The following SETD2 variants were observed in gnomAD, a reference collection of about 807,000 sequenced individuals.
The protein encoded by SETD2 is SET domain containing 2, histone lysine methyltransferase.
A neutral mutation model predicts 242.1 loss-of-function variants in SETD2; 31 were observed. The observed-to-expected ratio is 0.13, with a 90% confidence interval of 0.10 to 0.17. The LOEUF (loss-of-function observed/expected upper bound fraction) is 0.17. Ranked by LOEUF, SETD2 falls within the 10% of genes least tolerant of loss-of-function variation. The pLI is 1.00. For missense variants in SETD2, 2,481 were observed against 3,046.3 expected, an observed-to-expected ratio of 0.81 and a Z score of 4.37; for synonymous variants, 1,006 against 1,066.5, an observed-to-expected ratio of 0.94 and a Z score of 1.11.
intron 12 of SETD2, among the ~76,000 whole-genome samples, chr3:47,076,165 G>C (rs763937568): frequency 1.3e-5 from 2 of 151,800 alleles, no homozygotes; most frequent in Non-Finnish European, 2.9e-5. Context: ...AAGACTTTCC[G>C]GGGGGGAAAA....
chr3:47,137,713 G>T (rs1287705826), intron 1 of SETD2, among the ~76,000 whole-genome samples: 2 of 152,240 alleles, frequency 1.3e-5, no homozygotes, highest in East Asian at 3.9e-4. Flanking sequence ...TTCTGAGACA[G>T]AATCTTGCTG....
chr3:47,108,885 TTAAAAACCAAAA>T (rs1214552144), intron 5 of SETD2, among the ~76,000 whole-genome samples: 1 of 152,166 alleles, frequency 6.6e-6, no homozygotes, highest in African/African-American at 2.4e-5. Flanking sequence ...CGTGTCTCAA[TTAAAAACCAAAA>T]TAAAAACAAA....
At chr3:47,044,313 C>T (rs867274618) in intron 16 of SETD2, among the ~76,000 whole-genome samples, 1 of 114,326 alleles carries the variant, frequency 8.7e-6, no homozygotes, top group South Asian at 3.1e-4. Flanking sequence ...CCACTGTACT[C>T]CAGGCTGGGC....
chr3:47,040,537 C>A (rs1211781784), intron 17 of SETD2, among the ~76,000 whole-genome samples: 1 of 142,510 alleles, frequency 7.0e-6, no homozygotes, highest in African/African-American at 2.6e-5. Flanking sequence ...GTTAGACTTG[C>A]AAGGTTAAAA....
At chr3:47,164,268 C>T (rs1023559434), upstream of SETD2, among the ~76,000 whole-genome samples, 3 of 152,158 alleles carry the variant, frequency 2.0e-5, no homozygotes, top group African/African-American at 7.2e-5. The surrounding 1 kb of genome is among the most constrained non-coding windows in gnomAD (Gnocchi z 5.4). Context: ...ACGGGCAGAG[C>T]GGAACACTGC....
intron 13 of SETD2, 150 bp from the exon 14 acceptor site, chr3:47,062,496 T>G (rs1036342690): frequency 1.8e-5 from 12 of 677,480 alleles, no homozygotes; most frequent in African/African-American, 3.7e-5. Context: ...CAGTTCTGAA[T>G]TTGAAAGAGA....
At chr3:47,087,456 C>T (rs1220862515) in intron 10 of SETD2, among the ~76,000 whole-genome samples, 15 of 152,116 alleles carry the variant, frequency 9.9e-5, no homozygotes, top group African/African-American at 3.6e-4. Flanking sequence ...GGTTCGTGCT[C>T]CTATGAGAAT....
At chr3:47,044,158 T>G (rs989783936) in intron 16 of SETD2, among the ~76,000 whole-genome samples, 1 of 151,572 alleles carries the variant, frequency 6.6e-6, no homozygotes, top group African/African-American at 2.4e-5. Flanking sequence ...CTGGCCAACA[T>G]AGTGAAACCC....
intron 18 of SETD2, among the ~76,000 whole-genome samples, chr3:47,030,707 A>G (rs79534944): frequency 1.6e-3 from 245 of 152,306 alleles, no homozygotes; most frequent in African/African-American, 5.6e-3. Flanking sequence ...AACTATTATT[A>G]AAAAATGGAA....
At chr3:47,035,162 T>C (rs2038943542) in intron 18 of SETD2, among the ~76,000 whole-genome samples, 1 of 152,200 alleles carries the variant, frequency 6.6e-6, no homozygotes, top group Non-Finnish European at 1.5e-5. Flanking sequence ...GAATGTGTAA[T>C]TACCTTGGGA....
At chr3:47,039,504 T>C (rs1195987558) in intron 17 of SETD2, among the ~76,000 whole-genome samples, 1 of 151,252 alleles carries the variant, frequency 6.6e-6, no homozygotes, top group South Asian at 2.1e-4. Flanking sequence ...TAAGCCACCA[T>C]GTCCGGCCCA....
Position 47,123,605 on chromosome 3 carries a change from C to T in SETD2, c.1031G>A (p.Ser344Asn), listed in dbSNP as rs760794263. Residue 344 changes from serine (S) to asparagine (N), a missense_variant, in exon 3 of 21, where the codon AGC (serine) becomes AAC (asparagine). Physicochemically the swap from Ser to Asn is conservative, Grantham distance 46 (BLOSUM62 1). This residue lies in a region of SETD2 where 38 missense variants were observed against 61.0 expected (regional missense o/e 0.62). Transcript: ENST00000409792. ...QRSHDLKFSASIEKERDFKKS... is the reference protein window; with the variant it reads ...QRSHDLKFSANIEKERDFKKS... ...TTTAAAATCTCTTTCCTTTTCAATG[C>T]TTGCTGAAAATTTTAAATCATGTGA... 3.9e-6 allele frequency: 6 copies of T among 1,549,936 alleles called. No individual in the cohort carries two copies. The highest frequency in any genetic ancestry group is 1.4e-5 in the African/African-American group (1 of 72,836).
chr3:47,032,357 T>C (rs182586721), intron 18 of SETD2, among the ~76,000 whole-genome samples: 363 of 151,448 alleles, frequency 2.4e-3, no homozygotes, highest in Non-Finnish European at 3.9e-3. Flanking sequence ...TCTACAAAAA[T>C]GTACAAAACT....
At chr3:47,059,111 T>A (rs2040219384) in intron 14 of SETD2, among the ~76,000 whole-genome samples, 1 of 116,070 alleles carries the variant, frequency 8.6e-6, no homozygotes, top group South Asian at 2.6e-4. Context: ...GCCTGGCCTT[T>A]TTTTTTTTTT....
At chr3:47,119,736 A>G (rs2042997831) in intron 3 of SETD2, 2 of 451,082 alleles carry the variant, frequency 4.4e-6, no homozygotes, top group Non-Finnish European at 9.2e-6. Flanking sequence ...TGTCTTTATC[A>G]GCAGCATGAA....
chr3:47,151,358 T>G (rs895859276), intron 1 of SETD2, among the ~76,000 whole-genome samples: 11 of 152,020 alleles, frequency 7.2e-5, no homozygotes, highest in Non-Finnish European at 1.6e-4. Context: ...TTTTAAAAAC[T>G]TATATGAAAA....
intron 18 of SETD2, among the ~76,000 whole-genome samples, chr3:47,023,414 A>C (rs1242527065): frequency 6.6e-6 from 1 of 152,140 alleles, no homozygotes; most frequent in South Asian, 2.1e-4. Flanking sequence ...AAGAAAAAAA[A>C]AATACTGTTT....
chr3:47,019,892 T>C (rs1249958425), intron 18 of SETD2, 52 bp from the exon 19 acceptor site: 1 of 1,445,030 alleles, frequency 6.9e-7, no homozygotes, highest in Non-Finnish European at 9.7e-7. Context: ...GTCAGTTTAG[T>C]GATGCCCTAC....
chr3:47,162,791 G>A (rs1053932028), intron 1 of SETD2, among the ~76,000 whole-genome samples: 3 of 152,142 alleles, frequency 2.0e-5, no homozygotes, highest in African/African-American at 7.2e-5. Flanking sequence ...ACCAGCAAAC[G>A]GTGTTTAAGA....
Sources: allele counts gnomAD v4.1 joint callset (sites outside exome capture counted in the v4.1 genomes callset), GRCh38; gene constraint gnomAD v4.1.1; regional missense constraint gnomAD v4.1.1; non-coding constraint Gnocchi (gnomAD v3.1); transcripts MANE v1.5; gene names NCBI Gene and HGNC (gene_info 2026-07-23, HGNC 2026-07-21).